NTRK2: variants seen among roughly 807,000 people sequenced by gnomAD.
NTRK2 encodes neurotrophic receptor tyrosine kinase 2, also known as BDNF/NT-3 growth factors receptor.
In NTRK2, 13 loss-of-function variants were observed where a neutral mutation model predicts 94.5. The observed-to-expected ratio is 0.14, with a 90% CI of 0.09 to 0.22. The LOEUF (loss-of-function observed/expected upper bound fraction) is 0.22. Among genes scored for constraint, NTRK2 ranks in the 10% least tolerant of loss-of-function variants. The pLI is 1.00. For missense variants in NTRK2, 639 were observed against 1,071.2 expected, an observed-to-expected ratio of 0.60 and a Z score of 5.63; for synonymous variants, 372 against 407.4, an observed-to-expected ratio of 0.91 and a Z score of 1.05.
At chr9:84,940,614 G>A (rs1267446208) in intron 15 of NTRK2, among the ~76,000 whole-genome samples, 1 of 152,098 alleles carries the variant, frequency 6.6e-6, no homozygotes, top group Non-Finnish European at 1.5e-5. Flanking sequence ...AGGTGGTCAC[G>A]TGGTACAGAA....
intron 12 of NTRK2, among the ~76,000 whole-genome samples, chr9:84,848,347 T>C (rs185285855): frequency 6.6e-6 from 1 of 152,292 alleles, no homozygotes; most frequent in Non-Finnish European, 1.5e-5. Flanking sequence ...TAGGTGTGAT[T>C]TTATCCACTA....
chr9:84,831,788 T>C (rs2131677380), intron 12 of NTRK2, among the ~76,000 whole-genome samples: 1 of 152,202 alleles, frequency 6.6e-6, no homozygotes, highest in East Asian at 1.9e-4. Flanking sequence ...ACAGAAGGGG[T>C]GGTCAGCACA....
At position 84,789,828 on chromosome 9, in the gene NTRK2, C is replaced by G. The variant is rs534448817; in HGVS notation, c.1396+37743C>G. On this transcript the variant is annotated intron_variant, in intron 12 of 18. Transcript: ENST00000277120. ...TATCTTCCTACCCATAAGAGCATTTCCTGCTCTTTTCTCAGAGCCTTATTT... is the reference window on the plus strand; with the variant it reads ...TATCTTCCTACCCATAAGAGCATTTGCTGCTCTTTTCTCAGAGCCTTATTT... Among the ~76,000 whole-genome samples the G allele has an allele frequency of 2.8e-3, 419 of 152,292 alleles. 3 individuals carry two copies. The highest frequency in any genetic ancestry group is 9.7e-3 in the African/African-American group (403 of 41,558).
At chr9:84,708,500 G>A (rs1286042394) in intron 5 of NTRK2, among the ~76,000 whole-genome samples, 1 of 152,194 alleles carries the variant, frequency 6.6e-6, no homozygotes, top group Non-Finnish European at 1.5e-5. Context: ...ATTGAAAGGT[G>A]TTGATGACTA....
chr9:84,987,122 A>G (rs1828418668), intron 17 of NTRK2, among the ~76,000 whole-genome samples: 1 of 152,208 alleles, frequency 6.6e-6, no homozygotes, highest in South Asian at 2.1e-4. Flanking sequence ...CCAATTTCAC[A>G]TGTCAGGGTG....
chr9:85,025,136 CTG>C lies in NTRK2; in HGVS notation c.*3702_*3703del, dbSNP rs1832973692. ...TAGGACTACATCACACTTTTCAACT[CTG>C]TGCAGTACTGCATGGGTGGAAGACA... On this transcript the variant is annotated 3_prime_UTR_variant, in exon 19 of 19. Transcript: ENST00000277120. The C allele has an allele frequency of 8.6e-6, 2 of 233,032 alleles. No homozygotes were observed. The allele number at this position is 233,032 out of a possible 1,614,324, so 14.4% of individuals were successfully genotyped here.
chr9:84,858,268 C>A (rs948758234), intron 12 of NTRK2, among the ~76,000 whole-genome samples: 3 of 152,112 alleles, frequency 2.0e-5, no homozygotes, highest in Admixed American at 6.6e-5. Context: ...CTGATTTCAC[C>A]CTGCAGCCAA....
chr9:84,762,551 C>T (rs1027801090), intron 12 of NTRK2, among the ~76,000 whole-genome samples: 1 of 152,128 alleles, frequency 6.6e-6, no homozygotes, highest in African/African-American at 2.4e-5. Flanking sequence ...ATTATGTAAT[C>T]GTTTATCCCT....
intron 11 of NTRK2, among the ~76,000 whole-genome samples, chr9:84,745,470 G>A (rs2063986574): frequency 1.3e-5 from 2 of 152,058 alleles, no homozygotes; most frequent in Non-Finnish European, 2.9e-5. Context: ...GGCGGTGGAG[G>A]GGATATAATC....
chr9:84,795,112 C>T (rs776606317), intron 12 of NTRK2, among the ~76,000 whole-genome samples: 2 of 152,112 alleles, frequency 1.3e-5, no homozygotes, highest in Admixed American at 6.6e-5. Flanking sequence ...GATTATATTC[C>T]GACTGCAAGC....
chr9:84,867,773 T>C (rs2075662727), intron 14 of NTRK2, among the ~76,000 whole-genome samples: 1 of 152,160 alleles, frequency 6.6e-6, no homozygotes, highest in African/African-American at 2.4e-5. Flanking sequence ...ATATATCAGT[T>C]ATAGATGACA....
In NTRK2 at chr9:85,022,939, A is replaced by G. The variant is rs1230038864; in HGVS notation, c.*1502A>G. ...ACATGCACTCATGTTCAGTGTACAC[A>G]GGTCAAGTCCCTTGCTCTGGGCTCT... On this transcript the variant is annotated 3_prime_UTR_variant, in exon 19 of 19. Transcript: ENST00000277120. 8.6e-6 allele frequency: 2 copies of G among 233,098 alleles called. No homozygotes were observed. The highest frequency in any genetic ancestry group is 1.7e-5 in the Non-Finnish European group (2 of 118,036). 14.4% of individuals were successfully genotyped at this position (233,098 alleles called of 1,614,324 possible).
chr9:84,705,193 C>G (rs1016595330), intron 4 of NTRK2, among the ~76,000 whole-genome samples: 2 of 151,890 alleles, frequency 1.3e-5, no homozygotes, highest in Non-Finnish European at 1.5e-5. Flanking sequence ...TCACTTTCAC[C>G]ACTTCTCCCC....
chr9:85,021,229 T>A (rs199533878), intron 18 of NTRK2, 23 bp from the exon 19 acceptor site: 1 of 1,611,082 alleles, frequency 6.2e-7, no homozygotes, highest in Non-Finnish European at 8.5e-7. Flanking sequence ...TCCTGTCTCA[T>A]CCTATCTTTG....
In NTRK2 at chr9:85,026,727, T is replaced by C. The variant is rs544817410; in HGVS notation, c.*5290T>C. 39 of 233,068 alleles carry C rather than the reference T, an allele frequency of 1.7e-4. No individual in the cohort carries two copies. Among genetic ancestry groups the C allele is most frequent in the African/African-American group, 7.0e-4 (32 of 45,470 alleles). The allele number at this position is 233,068 out of a possible 1,614,324, so 14.4% of individuals were successfully genotyped here. On this transcript the variant is annotated 3_prime_UTR_variant, in exon 19 of 19. Transcript: ENST00000277120. ...CAGGCCGTATACACACACATTTCCATATCTCTCTACAGATATATTTCCCCT... is the reference window on the plus strand; with the variant it reads ...CAGGCCGTATACACACACATTTCCACATCTCTCTACAGATATATTTCCCCT...
chr9:84,985,255 C>T (rs1470351551), intron 17 of NTRK2, among the ~76,000 whole-genome samples: 1 of 151,974 alleles, frequency 6.6e-6, no homozygotes, highest in Non-Finnish European at 1.5e-5. Context: ...TTCTGAAAAC[C>T]CTATAATTTG....
At chr9:84,673,054 G>C (rs1209667127) in intron 2 of NTRK2, among the ~76,000 whole-genome samples, 9 of 152,166 alleles carry the variant, frequency 5.9e-5, no homozygotes, top group African/African-American at 2.2e-4. Context: ...TGAGAACAGG[G>C]AATTAGGTTA....
intron 4 of NTRK2, among the ~76,000 whole-genome samples, chr9:84,704,357 T>C (rs913554296): frequency 1.3e-5 from 2 of 151,270 alleles, no homozygotes; most frequent in Non-Finnish European, 1.5e-5. Flanking sequence ...GCCTCTCCAG[T>C]AGCTGGGACT....
At position 84,926,169 on chromosome 9, in the gene NTRK2, C is replaced by CCTTTCTTTCTTTCTTT. The variant is rs869183621; in HGVS notation, c.1634-7944_1634-7929dup. On this transcript the variant is annotated intron_variant, in intron 14 of 18. Transcript: ENST00000277120. ...TCCTTCCTTCCTTCCTTCCTTCCTT[C>CCTTTCTTTCTTTCTTT]CTTTCTTTCTTTCTTTCTTTCTTTC... Among the ~76,000 whole-genome samples the CCTTTCTTTCTTTCTTT allele has an allele frequency of 1.6e-3, 63 of 38,566 alleles. 1 individual carries two copies. Among genetic ancestry groups the CCTTTCTTTCTTTCTTT allele is most frequent in the East Asian group, 2.6e-3 (3 of 1,162 alleles). The allele number at this position is 38,566 out of a possible 152,430, so 25.3% of individuals were successfully genotyped here.
Sources: allele counts gnomAD v4.1 joint callset (sites outside exome capture counted in the v4.1 genomes callset), GRCh38; gene constraint gnomAD v4.1.1; transcripts MANE v1.5; gene names NCBI Gene and HGNC (gene_info 2026-07-23, HGNC 2026-07-21).